The following SEC14L1 variants were observed in gnomAD, a reference collection of about 807,000 sequenced individuals.
The protein encoded by SEC14L1 is SEC14-like protein 1.
In SEC14L1, 48 loss-of-function variants were observed where a neutral mutation model predicts 85.3. The observed-to-expected ratio is 0.56, with a 90% CI of 0.45 to 0.72. The LOEUF is 0.72. SEC14L1 is among the 30% of genes least tolerant of loss of function. The pLI is 0.00. For synonymous variants in SEC14L1, 391 were observed against 355.5 expected, an observed-to-expected ratio of 1.10 and a Z score of -1.12; for missense variants, 682 against 921.4, an observed-to-expected ratio of 0.74 and a Z score of 3.36.
Position 77,206,308 on chromosome 17 carries a change from A to C in SEC14L1, c.1249A>C (p.Ile417Leu). 6.2e-7 allele frequency: 1 copy of C among 1,614,138 alleles called. No individual in the cohort carries two copies. Among genetic ancestry groups the C allele is most frequent in the Non-Finnish European group, 8.5e-7 (1 of 1,180,014 alleles). The change falls in exon 12 of 17, where the codon ATC becomes CTC. Residue 417 changes from isoleucine to leucine, a missense_variant. Around this residue, in one of 3 missense-constraint regions of SEC14L1, gnomAD observed 420 missense variants for 619.5 expected, o/e 0.68. Coordinates refer to ENST00000436233, the MANE Select transcript of SEC14L1 (RefSeq NM_001143998.2). The surrounding 1 kb of genome is among the most constrained non-coding windows in gnomAD (Gnocchi z 4.3). The stretch of plus-strand genomic sequence containing the variant: ...ACCTGGTGTGAAAGCGCTGCTGCGG[A>C]TCATCGAGGTGGTGGAGGCCAACTA... ...WRPGVKALLRIIEVVEANYPE... is the reference protein window; with the variant it reads ...WRPGVKALLRLIEVVEANYPE...
upstream of SEC14L1, chr17:77,140,723 C>G (rs1972961351): frequency 6.6e-6 from 1 of 151,930 alleles, no homozygotes; most frequent in African/African-American, 2.4e-5. Flanking sequence ...GGACCTCGGG[C>G]ACATCCAGCA....
At chr17:77,154,636 TG>T (rs1429103649) in intron 3 of SEC14L1, among the ~76,000 whole-genome samples, 14 of 87,330 alleles carry the variant, frequency 1.6e-4, no homozygotes, top group African/African-American at 3.3e-4. Context: ...TGGTTTTTTT[TG>T]TTTTTTTTTG....
At chr17:77,093,641 G>C (rs187386993) in intron 3 of SEC14L1, 1 of 152,204 alleles carries the variant, frequency 6.6e-6, no homozygotes, top group African/African-American at 2.4e-5. Context: ...GTCCACGTGG[G>C]GTTTCTGATC....
chr17:77,204,550 A>G (rs1286822185), intron 10 of SEC14L1, among the ~76,000 whole-genome samples: 4 of 66,096 alleles, frequency 6.1e-5, no homozygotes, highest in African/African-American at 1.8e-4. Flanking sequence ...TTTTTTTTTT[A>G]AAGAGACATC....
At chr17:77,210,412 T>A (rs984955502) in intron 14 of SEC14L1, 2 of 152,660 alleles carry the variant, frequency 1.3e-5, no homozygotes, top group Non-Finnish European at 1.5e-5. Context: ...TTGGAGAGGA[T>A]GGTGGCACTC....
At chr17:77,089,311 T>A (rs752916423) in intron 2 of SEC14L1, 1 of 495,356 alleles carries the variant, frequency 2.0e-6, no homozygotes, top group Non-Finnish European at 4.0e-6. Context: ...GGTCAGACGG[T>A]CTGGGGAAAG....
At chr17:77,154,951 G>C (rs1973741678) in intron 3 of SEC14L1, among the ~76,000 whole-genome samples, 1 of 152,152 alleles carries the variant, frequency 6.6e-6, no homozygotes, top group South Asian at 2.1e-4. Flanking sequence ...GGTGCGGATG[G>C]ATTGTTTGTT....
At chr17:77,109,383 C>T (rs542721511) in intron 3 of SEC14L1, among the ~76,000 whole-genome samples, 5 of 152,254 alleles carry the variant, frequency 3.3e-5, no homozygotes, top group African/African-American at 7.2e-5. Context: ...GGATCATAGG[C>T]GTGGGTCACA....
chr17:77,103,933 C>T (rs550743360), intron 3 of SEC14L1, among the ~76,000 whole-genome samples: 7 of 151,258 alleles, frequency 4.6e-5, no homozygotes, highest in Non-Finnish European at 1.0e-4. Flanking sequence ...CCTGTGCACT[C>T]GCTGACCCTG....
chr17:77,120,891 T>C (rs528892083), intron 3 of SEC14L1, among the ~76,000 whole-genome samples: 3 of 152,312 alleles, frequency 2.0e-5, no homozygotes, highest in African/African-American at 7.2e-5. Flanking sequence ...CACAGGAGAC[T>C]TGGACTCGGA....
At chr17:77,105,327 G>A (rs1375017636) in intron 3 of SEC14L1, among the ~76,000 whole-genome samples, 3 of 150,210 alleles carry the variant, frequency 2.0e-5, no homozygotes, top group Admixed American at 6.7e-5. Context: ...GTCAGTGTTC[G>A]TGAACAAGAA....
chr17:77,171,539 CTA>C (rs1304162908), intron 3 of SEC14L1, among the ~76,000 whole-genome samples: 2 of 152,170 alleles, frequency 1.3e-5, no homozygotes, highest in Non-Finnish European at 2.9e-5. Flanking sequence ...GTTCTGGCAA[CTA>C]TAGATTTTCT....
At chr17:77,105,384 C>CCA (rs58468080) in intron 3 of SEC14L1, among the ~76,000 whole-genome samples, 3 of 105,140 alleles carry the variant, frequency 2.9e-5, no homozygotes, top group African/African-American at 7.1e-5. Context: ...CCCCCCCCCC[C>CCA]ACCCCACGTA....
At chr17:77,169,527 C>T (rs746276428) in intron 3 of SEC14L1, among the ~76,000 whole-genome samples, 15 of 152,200 alleles carry the variant, frequency 9.9e-5, no homozygotes, top group Non-Finnish European at 1.2e-4. Context: ...GTTTAATGTG[C>T]GAGCAGAATA....
At chr17:77,120,482 C>CTT (rs111513781) in intron 3 of SEC14L1, among the ~76,000 whole-genome samples, 5 of 143,382 alleles carry the variant, frequency 3.5e-5, no homozygotes, top group Non-Finnish European at 6.1e-5. Flanking sequence ...TCTCCACATT[C>CTT]TTTTTTTTTT....
chr17:77,159,630 C>T (rs1395486288), intron 3 of SEC14L1, among the ~76,000 whole-genome samples: 2 of 150,380 alleles, frequency 1.3e-5, no homozygotes, highest in Non-Finnish European at 1.5e-5. Context: ...CTGCCTGCCT[C>T]GGCCTCCCAA....
At position 77,158,586 on chromosome 17, in the gene SEC14L1, A is replaced by G. The variant is rs1004919951; in HGVS notation, c.63+14927A>G. 7.9e-5 allele frequency among the ~76,000 whole-genome samples: 12 copies of G among 151,926 alleles called. No homozygotes were observed. In the East Asian group the frequency reaches 2.1e-3, roughly 27 times the overall value. ...AGCCTAATGTCTTCAAGGTTCATCC[A>G]TGTTGTAGCATGTGCAGAATTCCCT... On this transcript the variant is annotated intron_variant, in intron 3 of 16. Coordinates refer to ENST00000436233, the MANE Select transcript of SEC14L1 (RefSeq NM_001143998.2).
chr17:77,195,160 G>T (rs1448473380), intron 7 of SEC14L1: 1 of 516,446 alleles, frequency 1.9e-6, no homozygotes, highest in Non-Finnish European at 3.4e-6. Flanking sequence ...ATACCAGAAG[G>T]TGTTTGTTTG....
chr17:77,139,974 A>G (rs1972927591), upstream of SEC14L1, among the ~76,000 whole-genome samples: 1 of 152,236 alleles, frequency 6.6e-6, no homozygotes, highest in Non-Finnish European at 1.5e-5. Context: ...AAACAGGTCC[A>G]AAAACGTTCT....
Sources: allele counts gnomAD v4.1 joint callset (sites outside exome capture counted in the v4.1 genomes callset), GRCh38; gene constraint gnomAD v4.1.1; regional missense constraint gnomAD v4.1.1; non-coding constraint Gnocchi (gnomAD v3.1); transcripts MANE v1.5; gene names NCBI Gene and HGNC (gene_info 2026-07-23, HGNC 2026-07-21).